Variants in CARD19 observed in about 807,000 individuals in gnomAD.
CARD19 encodes caspase recruitment domain family member 19.
A neutral mutation model predicts 24.1 loss-of-function variants in CARD19; 25 were observed. That is an observed-to-expected ratio of 1.04 (90% confidence interval 0.76 to 1.45). CARD19 has a LOEUF of 1.45. Ranked by LOEUF, CARD19 falls within the 40% of genes most tolerant of loss-of-function variation. The pLI, the probability that CARD19 is intolerant of heterozygous loss-of-function variation, is 0.00. For missense variants in CARD19, 241 were observed against 247.4 expected, an observed-to-expected ratio of 0.97 and a Z score of 0.17; for synonymous variants, 103 against 104.9, an observed-to-expected ratio of 0.98 and a Z score of 0.11.
intron 5 of CARD19, among the ~76,000 whole-genome samples, chr9:93,112,715 T>G (rs1295840366): frequency 1.3e-5 from 2 of 152,214 alleles, no homozygotes; most frequent in Non-Finnish European, 2.9e-5. Context: ...GTCTCCCTTT[T>G]CTGTGATGCC....
chr9:93,100,826 C>G (rs753934889), intron 1 of CARD19, among the ~76,000 whole-genome samples: 1 of 152,128 alleles, frequency 6.6e-6, no homozygotes, highest in African/African-American at 2.4e-5. Flanking sequence ...AATATTTGTC[C>G]GTTTGTGCCT....
chr9:93,099,591 T>C (rs1827004024), intron 1 of CARD19, among the ~76,000 whole-genome samples: 1 of 152,170 alleles, frequency 6.6e-6, no homozygotes, highest in South Asian at 2.1e-4. Context: ...GCCAGACATA[T>C]GGGATTGCTC....
rs755984950 is a variant in CARD19 at position 93,107,834 on chromosome 9, G to T, written c.150+18G>T. On this transcript the variant is annotated intron_variant, in intron 2 of 5. Transcript: ENST00000375464. ...CGGAAAAGGTGCTGAGGAGGTGAGGGGGGTACCCGAGACACTGCTCAGTTT... is the reference window on the plus strand; with the variant it reads ...CGGAAAAGGTGCTGAGGAGGTGAGGTGGGTACCCGAGACACTGCTCAGTTT... The T allele has an allele frequency of 1.2e-6, 2 of 1,614,054 alleles. No homozygotes were observed. The highest frequency in any genetic ancestry group is 2.2e-5 in the South Asian group (2 of 91,068).
Position 93,096,793 on chromosome 9 carries a change from G to T in CARD19, c.7+441G>T, listed in dbSNP as rs1826881569. On this transcript the variant is annotated intron_variant, in intron 1 of 5. Transcript: ENST00000375464. The surrounding 1 kb of genome is among the most constrained non-coding windows in gnomAD (Gnocchi z 5.4). ...CTGTGATTCTGGCCACGGAAACAACGCTCCATCCTTACAACCACCCCAGCG... is the reference window on the plus strand; with the variant it reads ...CTGTGATTCTGGCCACGGAAACAACTCTCCATCCTTACAACCACCCCAGCG... 6.6e-6 allele frequency among the ~76,000 whole-genome samples: 1 copy of T among 152,198 alleles called. No individual in the cohort carries two copies. The highest frequency in any genetic ancestry group is 2.4e-5 in the African/African-American group (1 of 41,454).
At chr9:93,103,539 T>C (rs1174908165) in intron 1 of CARD19, among the ~76,000 whole-genome samples, 1 of 152,258 alleles carries the variant, frequency 6.6e-6, no homozygotes, top group African/African-American at 2.4e-5. Flanking sequence ...ATATCTGCTG[T>C]TGATTTAATC....
rs1827496979 is a variant in CARD19 at position 93,111,823 on chromosome 9, AC to A, written c.305-54del. 3.1e-6 allele frequency: 5 copies of A among 1,592,602 alleles called. No individual in the cohort carries two copies. The South Asian group carries it at 5.6e-5, about 18-fold the overall frequency. On this transcript the variant is annotated intron_variant, in intron 3 of 5. Transcript: ENST00000375464. ...ACCTTGGGCTTCCTGCGGGGTGACTACCTTGCCCTCCGGCCCTGCCCGTTGA... is the reference window on the plus strand; with the variant it reads ...ACCTTGGGCTTCCTGCGGGGTGACTACTTGCCCTCCGGCCCTGCCCGTTGA...
intron 1 of CARD19, among the ~76,000 whole-genome samples, chr9:93,104,675 C>T (rs752036502): frequency 5.9e-5 from 9 of 152,144 alleles, no homozygotes; most frequent in South Asian, 4.1e-4. Context: ...TTCACAGTTC[C>T]GTTTTGGTAG....
chr9:93,112,170 AC>A, intron 4 of CARD19, 47 bp from the exon 5 acceptor site: 1 of 1,517,686 alleles, frequency 6.6e-7, no homozygotes. Context: ...TCAGGACCCC[AC>A]CCCTCTGAGG....
intron 1 of CARD19, among the ~76,000 whole-genome samples, chr9:93,099,832 G>A (rs976130855): frequency 3.9e-5 from 6 of 152,212 alleles, no homozygotes; most frequent in Admixed American, 6.5e-5. Context: ...GCCTCCCTGC[G>A]CGGCCCACGG....
intron 4 of CARD19, 71 bp from the exon 5 acceptor site, chr9:93,112,147 C>T (rs1404242801): frequency 2.7e-6 from 4 of 1,467,448 alleles, no homozygotes; most frequent in Non-Finnish European, 3.7e-6. Flanking sequence ...CTCCCCTGCG[C>T]AGCCCCCAGG....
At chr9:93,106,800 T>C (rs538975054) in intron 1 of CARD19, among the ~76,000 whole-genome samples, 4 of 152,274 alleles carry the variant, frequency 2.6e-5, no homozygotes, top group African/African-American at 9.6e-5. Context: ...AAATATTTTC[T>C]TTGTGTACAT....
At chr9:93,111,099 T>A (rs1429407315) in intron 3 of CARD19, 1 of 1,281,108 alleles carries the variant, frequency 7.8e-7, no homozygotes, top group South Asian at 1.4e-5. Flanking sequence ...TGCATGGCGC[T>A]CCTAGGCGGT....
chr9:93,111,743 C>T, intron 3 of CARD19, 136 bp from the exon 4 acceptor site: 1 of 1,486,840 alleles, frequency 6.7e-7, no homozygotes, highest in African/African-American at 1.4e-5. Flanking sequence ...CTGAGGAGGG[C>T]TAGCCTCAGG....
chr9:93,110,791 T>C (rs1187821931), intron 3 of CARD19, 70 bp downstream of exon 3: 37 of 1,549,560 alleles, frequency 2.4e-5, no homozygotes, highest in Non-Finnish European at 3.1e-5. Flanking sequence ...CTGCCGTTGA[T>C]GGCATGGATG....
intron 1 of CARD19, among the ~76,000 whole-genome samples, chr9:93,099,836 C>G (rs1827013776): frequency 6.6e-6 from 1 of 152,216 alleles, no homozygotes; most frequent in South Asian, 2.1e-4. Flanking sequence ...CCCTGCGCGG[C>G]CCACGGTGAG....
At position 93,113,260 on chromosome 9, in the gene CARD19, A is replaced by G; in HGVS notation, c.*153A>G. ...ACCTTCACCTTACAAGGTGCTGACC[A>G]TATTAAATGTTCAGGTTCTCTCAGC... On this transcript the variant is annotated 3_prime_UTR_variant, in exon 6 of 6. Coordinates refer to ENST00000375464, the MANE Select transcript of CARD19 (RefSeq NM_032310.5). The G allele has an allele frequency of 1.9e-6, 1 of 534,292 alleles. No individual in the cohort carries two copies. The highest frequency in any genetic ancestry group is 3.3e-6 in the Non-Finnish European group (1 of 305,102). The allele number at this position is 534,292 out of a possible 1,614,324, so 33.1% of individuals were successfully genotyped here. A position where few individuals can be genotyped will look rare whatever the true frequency, so the allele number is the denominator to read the frequency against.
intron 2 of CARD19, among the ~76,000 whole-genome samples, chr9:93,108,527 G>GC (rs2130725098): frequency 6.6e-6 from 1 of 152,022 alleles, no homozygotes; most frequent in African/African-American, 2.4e-5. Context: ...GGCAGGTGTG[G>GC]TGAGGACTGA....
chr9:93,104,677 T>C (rs1029221289), intron 1 of CARD19, among the ~76,000 whole-genome samples: 7 of 152,204 alleles, frequency 4.6e-5, no homozygotes, highest in African/African-American at 1.7e-4. Context: ...CACAGTTCCG[T>C]TTTGGTAGAT....
chr9:93,102,773 A>G (rs116836559), intron 1 of CARD19, among the ~76,000 whole-genome samples: 1,601 of 152,114 alleles, frequency 0.011, 21 homozygotes, highest in Admixed American at 0.018. Flanking sequence ...TAGGGATTGC[A>G]TCGAATCTGT....
Sources: allele counts gnomAD v4.1 joint callset (sites outside exome capture counted in the v4.1 genomes callset), GRCh38; gene constraint gnomAD v4.1.1; non-coding constraint Gnocchi (gnomAD v3.1); transcripts MANE v1.5; gene names NCBI Gene and HGNC (gene_info 2026-07-23, HGNC 2026-07-21).